Variants in SLAMF9 observed in about 807,000 individuals in gnomAD.
SLAMF9 encodes SLAM family member 9.
SLAMF9 carries 25 observed loss-of-function variants against 30.4 expected under a neutral mutation model. The observed-to-expected ratio is 0.82, with a 90% CI of 0.60 to 1.15. The LOEUF (loss-of-function observed/expected upper bound fraction) is 1.15. Among genes scored for constraint, SLAMF9 ranks in the 50% most tolerant of loss-of-function variants. The probability of loss-of-function intolerance (pLI) is 0.00; values close to 1 mark genes in which losing one functional copy is unlikely to be tolerated. For synonymous variants in SLAMF9, 129 were observed against 127.2 expected, an observed-to-expected ratio of 1.01 and a Z score of -0.09; for missense variants, 344 against 346.1, an observed-to-expected ratio of 0.99 and a Z score of 0.05.
At chr1:159,977,380 G>A in the SLAMF9 span, among the ~76,000 whole-genome samples, 19 of 152,312 alleles carry the variant, frequency 1.2e-4, no homozygotes, top group Middle Eastern at 3.4e-3. Context: ...ACTGGAAGAC[G>A]TGAGGTTAGC....
rs1305876208 is a variant in SLAMF9, at chr1:159,951,853, A to G, written c.678T>C (p.Ala226=). Residue 226 remains alanine (A), a synonymous_variant, in exon 4 of 4, where the codon GCT becomes GCC. Coordinates refer to ENST00000368093, the MANE Select transcript of SLAMF9 (RefSeq NM_033438.4). ...DGPFYADPNY[A]SEKPSTAFCL... is the part of the protein sequence containing the mutation. The stretch of plus-strand genomic sequence containing the variant: ...AGAAGGCTGTTGAAGGCTTCTCAGA[A>G]GCATAGTTAGGATCTGGGGTGGAAG... 1.2e-6 allele frequency: 2 copies of G among 1,614,116 alleles called. No homozygotes were observed. Among genetic ancestry groups the G allele is most frequent in the South Asian group, 2.2e-5 (2 of 91,068 alleles).
the SLAMF9 span, chr1:159,976,944 GA>G: frequency 1.9e-4 from 1 of 5,156 alleles, no homozygotes; most frequent in Non-Finnish European, 1.3e-3. Flanking sequence ...AAGAAAGAAA[GA>G]AAGAAAGAAA....
chr1:159,981,775 G>A, the SLAMF9 span, among the ~76,000 whole-genome samples: 1 of 152,216 alleles, frequency 6.6e-6, no homozygotes, highest in Non-Finnish European at 1.5e-5. Context: ...GAGCACAGAG[G>A]GTGCCAGAAA....
At chr1:159,976,222 A>C in the SLAMF9 span, among the ~76,000 whole-genome samples, 1 of 152,166 alleles carries the variant, frequency 6.6e-6, no homozygotes. Flanking sequence ...GATGGTTATT[A>C]ATAAGGAATT....
chr1:159,953,524 T>C lies in SLAMF9; in HGVS notation c.176A>G (p.Lys59Arg). Residue 59 changes from lysine (K) to arginine (R), a missense_variant, in exon 2 of 4, where the codon AAA becomes AGA. Lys to Arg is a conservative substitution (Grantham distance 26). Transcript: ENST00000368093. ...EVENIIWSSH[K>R]SLATVVPGKE... Reference sequence around the variant, plus strand: ...CCCTGGCACCACAGTGGCAAGACTTTTGTGAGAGGACCAGATGATGTTCTC... The same window carrying C: ...CCCTGGCACCACAGTGGCAAGACTTCTGTGAGAGGACCAGATGATGTTCTC... 1 of 1,614,194 alleles carries C rather than the reference T, an allele frequency of 6.2e-7. No homozygotes were observed. The highest frequency in any genetic ancestry group is 8.5e-7 in the Non-Finnish European group (1 of 1,180,020).
chr1:159,952,172 G>A lies in SLAMF9; in HGVS notation c.664+90C>T, dbSNP rs1651768410. The A allele has an allele frequency of 1.7e-5, 25 of 1,468,216 alleles. No homozygotes were observed. In the South Asian group the frequency reaches 2.9e-4, roughly 17 times the overall value. The allele number at this position is 1,468,216 out of a possible 1,614,324, so 90.9% of individuals were successfully genotyped here. On this transcript the variant is annotated intron_variant, in intron 3 of 3. Transcript: ENST00000368093. ...GAGGGGGTTAGCTTCTGAATTCCCT[G>A]GGCTCTCTTGGGAAGAGCTGGGGGA... is the stretch of plus-strand genomic sequence containing the variant.
the SLAMF9 span, among the ~76,000 whole-genome samples, chr1:159,970,289 GC>G: frequency 6.6e-6 from 1 of 152,162 alleles, no homozygotes; most frequent in Non-Finnish European, 1.5e-5. Context: ...GTGCAGACTT[GC>G]TCCCCTGAAA....
the SLAMF9 span, chr1:159,983,653 G>A: frequency 6.6e-6 from 1 of 152,256 alleles, no homozygotes; most frequent in South Asian, 2.1e-4. Flanking sequence ...TAGGCTGAAA[G>A]TCAACATTGG....
chr1:159,973,177 C>A, the SLAMF9 span: 1 of 1,525,954 alleles, frequency 6.6e-7, no homozygotes, highest in South Asian at 1.1e-5. Context: ...AGCCTCCAGG[C>A]TGACCTCAGG....
the SLAMF9 span, chr1:159,973,029 T>C: frequency 1.4e-6 from 2 of 1,424,878 alleles, no homozygotes; most frequent in Non-Finnish European, 1.8e-6. Flanking sequence ...GGGGCTCTGC[T>C]TCTGGACCTG....
the SLAMF9 span, among the ~76,000 whole-genome samples, chr1:159,972,397 T>C: frequency 6.6e-6 from 1 of 152,216 alleles, no homozygotes; most frequent in Non-Finnish European, 1.5e-5. Flanking sequence ...CTGTTGCCCT[T>C]GTTTTCCTAA....
rs1470920435 is a variant in SLAMF9 at position 159,951,572 on chromosome 1, C to G, written c.*89G>C. 2.3e-6 allele frequency: 3 copies of G among 1,316,326 alleles called. No individual in the cohort carries two copies. The African/African-American group carries it at 4.4e-5, about 19-fold the overall frequency. The allele number at this position is 1,316,326 out of a possible 1,614,324, so 81.5% of individuals were successfully genotyped here. On this transcript the variant is annotated 3_prime_UTR_variant, in exon 4 of 4. Transcript: ENST00000368093. ...TCTCTGGATACCCACCCCTGAGCAC[C>G]TCCTTCCCCTGGAAAGAAGAGAGCT...
the SLAMF9 span, chr1:159,976,941 A>AAAGG: frequency 2.0e-4 from 1 of 5,112 alleles, no homozygotes; most frequent in East Asian, 0.17. Flanking sequence ...AGAAAGAAAG[A>AAAGG]AAGAAAGAAA....
the SLAMF9 span, among the ~76,000 whole-genome samples, chr1:159,970,521 G>A: frequency 2.6e-5 from 4 of 152,232 alleles, no homozygotes; most frequent in Non-Finnish European, 5.9e-5. Context: ...TGGAGTTGCT[G>A]CTGGAAAGCA....
the SLAMF9 span, among the ~76,000 whole-genome samples, chr1:159,982,419 C>G: frequency 3.1e-4 from 47 of 152,280 alleles, no homozygotes; most frequent in Non-Finnish European, 4.4e-5. Flanking sequence ...CTGCCGCACA[C>G]TCACTCACTC....
chr1:159,959,154 G>A (rs1252618741), upstream of SLAMF9, among the ~76,000 whole-genome samples: 2 of 152,150 alleles, frequency 1.3e-5, no homozygotes, highest in African/African-American at 2.4e-5. Flanking sequence ...AGGATGGAGA[G>A]GTTGGGGAGG....
chr1:159,973,230 T>A, the SLAMF9 span: 1 of 1,132,660 alleles, frequency 8.8e-7, no homozygotes, highest in Non-Finnish European at 1.3e-6. Context: ...CAGGCTTCCC[T>A]CTTAGGGCTC....
the SLAMF9 span, among the ~76,000 whole-genome samples, chr1:159,981,825 C>T: frequency 1.3e-5 from 2 of 152,228 alleles, no homozygotes; most frequent in Non-Finnish European, 2.9e-5. Context: ...TGTGAGGCCT[C>T]GCTAAGAGGC....
At chr1:159,976,960 G>GAAAA in the SLAMF9 span, 5 of 101,804 alleles carry the variant, frequency 4.9e-5, no homozygotes, top group South Asian at 3.2e-4. Flanking sequence ...AAGAAAGAAA[G>GAAAA]AGAAAGAAAG....
Sources: allele counts gnomAD v4.1 joint callset (sites outside exome capture counted in the v4.1 genomes callset), GRCh38; gene constraint gnomAD v4.1.1; transcripts MANE v1.5; gene names NCBI Gene and HGNC (gene_info 2026-07-23, HGNC 2026-07-21).